The following SH3TC2 variants were observed in gnomAD, a reference collection of about 807,000 sequenced individuals.
SH3TC2 encodes the protein SH3 domain and tetratricopeptide repeat-containing protein 2.
In SH3TC2, 87 loss-of-function variants were observed where a neutral mutation model predicts 124.5. The ratio of observed to expected loss-of-function variants is 0.70; its 90% CI spans 0.59 to 0.84. The LOEUF (loss-of-function observed/expected upper bound fraction) is 0.84, where lower values mean the gene tolerates loss of function less well. SH3TC2 is among the 40% of genes least tolerant of loss of function. SH3TC2 has a pLI of 0.00. For missense variants in SH3TC2, 1,536 were observed against 1,566.4 expected, an observed-to-expected ratio of 0.98 and a Z score of 0.33; for synonymous variants, 634 against 628.5, an observed-to-expected ratio of 1.01 and a Z score of -0.13.
In SH3TC2 at chr5:149,038,503, G is replaced by A; in HGVS notation, c.806-13C>T. The A allele has an allele frequency of 1.9e-6, 3 of 1,613,632 alleles. No individual in the cohort carries two copies. Among genetic ancestry groups the A allele is most frequent in the Non-Finnish European group, 2.5e-6 (3 of 1,179,672 alleles). ...CAGCGTCCTCTGCCTGTGGAAAATAGCACACAGATCAGCTACAGAAGACAT... is the reference window on the plus strand; with the variant it reads ...CAGCGTCCTCTGCCTGTGGAAAATAACACACAGATCAGCTACAGAAGACAT... On this transcript the variant is annotated splice_polypyrimidine_tract_variant and intron_variant, in intron 7 of 16. Transcript: ENST00000515425.
At chr5:149,020,190 C>T (rs1163577933) in intron 12 of SH3TC2, among the ~76,000 whole-genome samples, 1 of 151,014 alleles carries the variant, frequency 6.6e-6, no homozygotes, top group Non-Finnish European at 1.5e-5. Flanking sequence ...TTTAAAAGTT[C>T]TGACATATTC....
chr5:149,061,961 G>C (rs1003897426), intron 1 of SH3TC2, among the ~76,000 whole-genome samples: 1 of 152,128 alleles, frequency 6.6e-6, no homozygotes. Context: ...ACTTCAAGCA[G>C]AGGAAGCAGA....
At position 148,984,799 on chromosome 5, in the gene SH3TC2, G is replaced by A. The variant is rs1275310826; in HGVS notation, c.*19912C>T. ...CTAAGAGAACTTATACTCAGAAGGA[G>A]GCATCTGCTTCCTGCTTCACCTTGA... On this transcript the variant is annotated 3_prime_UTR_variant, in exon 17 of 17. Coordinates refer to ENST00000515425, the MANE Select transcript of SH3TC2 (RefSeq NM_024577.4). Among the ~76,000 whole-genome samples, 1 of 152,128 alleles carries A rather than the reference G, an allele frequency of 6.6e-6. No individual in the cohort carries two copies. Among genetic ancestry groups the A allele is most frequent in the African/African-American group, 2.4e-5 (1 of 41,412 alleles).
chr5:149,020,145 A>C (rs1339226828), intron 12 of SH3TC2, among the ~76,000 whole-genome samples: 2 of 76,098 alleles, frequency 2.6e-5, no homozygotes, highest in Non-Finnish European at 5.4e-5. Flanking sequence ...CACACACACT[A>C]GGAAAAGTTG....
At position 148,986,043 on chromosome 5, in the gene SH3TC2, G is replaced by A. The variant is rs1451732042; in HGVS notation, c.*18668C>T. Among the ~76,000 whole-genome samples, 3 of 152,082 alleles carry A rather than the reference G, an allele frequency of 2.0e-5. No homozygotes were observed. The highest frequency in any genetic ancestry group is 4.4e-5 in the Non-Finnish European group (3 of 68,002). ...AAATGCAGAATCTTGGTGTTTAAAAGGAAATTAGAACTCATTAGTTCAACT... is the reference window on the plus strand; with the variant it reads ...AAATGCAGAATCTTGGTGTTTAAAAAGAAATTAGAACTCATTAGTTCAACT... On this transcript the variant is annotated 3_prime_UTR_variant, in exon 17 of 17. Coordinates refer to ENST00000515425, the MANE Select transcript of SH3TC2 (RefSeq NM_024577.4).
In SH3TC2 at chr5:149,003,848, T is replaced by G; in HGVS notation, c.*863A>C. On this transcript the variant is annotated 3_prime_UTR_variant, in exon 17 of 17. Coordinates refer to ENST00000515425, the MANE Select transcript of SH3TC2 (RefSeq NM_024577.4). Reference sequence around the variant, plus strand: ...CCTGGGCAACAGAGGAGAAACTGTCTCAAAAAAAAAAAAAAAAAAAAAAGA... The same window carrying G: ...CCTGGGCAACAGAGGAGAAACTGTCGCAAAAAAAAAAAAAAAAAAAAAAGA... 7.5e-6 allele frequency: 1 copy of G among 133,586 alleles called. No individual in the cohort carries two copies. Among genetic ancestry groups the G allele is most frequent in the South Asian group, 5.8e-5 (1 of 17,272 alleles). The allele number at this position is 133,586 out of a possible 1,614,324, so 8.3% of individuals were successfully genotyped here. A position where few individuals can be genotyped will look rare whatever the true frequency, so the allele number is the denominator to read the frequency against.
intron 4 of SH3TC2, among the ~76,000 whole-genome samples, chr5:149,043,141 C>G (rs1314050753): frequency 6.6e-6 from 1 of 152,182 alleles, no homozygotes; most frequent in Non-Finnish European, 1.5e-5. Context: ...TCTAATACAG[C>G]CACGGAGGTC....
chr5:149,052,646 A>G (rs1383965247), intron 1 of SH3TC2, among the ~76,000 whole-genome samples: 1 of 152,180 alleles, frequency 6.6e-6, no homozygotes, highest in Non-Finnish European at 1.5e-5. Context: ...CATTAGGGAG[A>G]CAATTGGGGT....
chr5:148,991,912 C>G lies in SH3TC2; in HGVS notation c.*12799G>C, dbSNP rs370871430. Among the ~76,000 whole-genome samples, 3 of 152,176 alleles carry G rather than the reference C, an allele frequency of 2.0e-5. No homozygotes were observed. Among genetic ancestry groups the G allele is most frequent in the Non-Finnish European group, 2.9e-5 (2 of 68,044 alleles). On this transcript the variant is annotated 3_prime_UTR_variant, in exon 17 of 17. Transcript: ENST00000515425. ...TGGTATGCTGATGATGTCATGGTGG[C>G]TCAACTTTCCTGGTGTCTAAGGGGA...
rs1031495860 is a variant in SH3TC2 at position 148,983,328 on chromosome 5, T to C, written c.*21383A>G. On this transcript the variant is annotated 3_prime_UTR_variant, in exon 17 of 17. Transcript: ENST00000515425. ...TCTGAAGAGGGGCACCTGGGTGTCATGAATACACCTGTGGCCTAAGATATG... is the reference window on the plus strand; with the variant it reads ...TCTGAAGAGGGGCACCTGGGTGTCACGAATACACCTGTGGCCTAAGATATG... Among the ~76,000 whole-genome samples, 1 of 152,180 alleles carries C rather than the reference T, an allele frequency of 6.6e-6. No homozygotes were observed. The highest frequency in any genetic ancestry group is 1.5e-5 in the Non-Finnish European group (1 of 68,038).
In SH3TC2 at chr5:149,026,199, T is replaced by A. The variant is rs77182687; in HGVS notation, c.3053+373A>T. On this transcript the variant is annotated intron_variant, in intron 12 of 16. Transcript: ENST00000515425. ...CTGAATTATGCAGCCTCAGTCATGATCCTGTGACAGGTGGTTATAGAAACA... is the reference window on the plus strand; with the variant it reads ...CTGAATTATGCAGCCTCAGTCATGAACCTGTGACAGGTGGTTATAGAAACA... 1.7e-3 allele frequency: 471 copies of A among 274,108 alleles called. 4 individuals carry two copies. The highest frequency in any genetic ancestry group is 9.9e-3 in the African/African-American group (452 of 45,650). 17.0% of individuals were successfully genotyped at this position (274,108 alleles called of 1,614,324 possible). A position where few individuals can be genotyped will look rare whatever the true frequency, so the allele number is the denominator to read the frequency against.
Position 149,022,527 on chromosome 5 carries a change from T to C in SH3TC2, c.3053+4045A>G, listed in dbSNP as rs542501188. On this transcript the variant is annotated intron_variant, in intron 12 of 16. Coordinates refer to ENST00000515425, the MANE Select transcript of SH3TC2 (RefSeq NM_024577.4). ...ATAGAATTATGGTGTGACTCTGTAATTTTGCTCCTAGGTCTATGCAAGAGA... is the reference window on the plus strand; with the variant it reads ...ATAGAATTATGGTGTGACTCTGTAACTTTGCTCCTAGGTCTATGCAAGAGA... Among the ~76,000 whole-genome samples the C allele has an allele frequency of 3.3e-5, 5 of 152,316 alleles. No homozygotes were observed. In the South Asian group the frequency reaches 1.0e-3, roughly 32 times the overall value.
intron 3 of SH3TC2, chr5:149,045,130 A>G (rs1245119595): frequency 1.3e-5 from 2 of 156,680 alleles, no homozygotes; most frequent in African/African-American, 4.8e-5. Flanking sequence ...AATCATCCCT[A>G]GTCCCTACTC....
At chr5:149,055,630 A>G (rs1379605110) in intron 1 of SH3TC2, among the ~76,000 whole-genome samples, 1 of 152,218 alleles carries the variant, frequency 6.6e-6, no homozygotes, top group African/African-American at 2.4e-5. Context: ...TGACAGTGTC[A>G]ATTCAAGCTG....
In SH3TC2 at chr5:148,989,326, T is replaced by C. The variant is rs540944260; in HGVS notation, c.*15385A>G. Among the ~76,000 whole-genome samples the C allele has an allele frequency of 6.6e-6, 1 of 152,238 alleles. No homozygotes were observed. The highest frequency in any genetic ancestry group is 6.5e-5 in the Admixed American group (1 of 15,284). ...GGTATTTATTATCCCCATTTTACAG[T>C]TGAAAGAGCCATAGCTCAGAAAGAT... On this transcript the variant is annotated 3_prime_UTR_variant, in exon 17 of 17. Coordinates refer to ENST00000515425, the MANE Select transcript of SH3TC2 (RefSeq NM_024577.4).
chr5:149,007,053 GCCA>G lies in SH3TC2; in HGVS notation c.3500_3502del (p.Val1167del). The G allele has an allele frequency of 5.0e-6, 8 of 1,614,148 alleles. No individual in the cohort carries two copies. Among genetic ancestry groups the G allele is most frequent in the Non-Finnish European group, 5.9e-6 (7 of 1,180,006 alleles). Reference sequence around the variant, plus strand: ...GTACACTGTAGCCAGGCGGTGAAAGGCCACCAGCTCTTGCCTCTGATCTCCTAA... The same window carrying G: ...GTACACTGTAGCCAGGCGGTGAAAGGCCAGCTCTTGCCTCTGATCTCCTAA... On this transcript the variant is annotated inframe_deletion, in exon 16 of 17. Transcript: ENST00000515425.
At chr5:149,035,017 A>G (rs1435455448) in intron 8 of SH3TC2, among the ~76,000 whole-genome samples, 1 of 152,202 alleles carries the variant, frequency 6.6e-6, no homozygotes, top group Non-Finnish European at 1.5e-5. Flanking sequence ...ATCTTCACTG[A>G]AAATAGCTAC....
Position 148,994,745 on chromosome 5 carries a change from T to C in SH3TC2, c.*9966A>G, listed in dbSNP as rs983446110. Among the ~76,000 whole-genome samples, 23 of 152,074 alleles carry C rather than the reference T, an allele frequency of 1.5e-4. No homozygotes were observed. Among genetic ancestry groups the C allele is most frequent in the African/African-American group, 5.1e-4 (21 of 41,400 alleles). ...ATGGATGGATGGATGGATGAATAGA[T>C]GGATGAATAGATGGATGAATAGATG... On this transcript the variant is annotated 3_prime_UTR_variant, in exon 17 of 17. Transcript: ENST00000515425.
chr5:149,055,271 T>C (rs1157457836), intron 1 of SH3TC2, among the ~76,000 whole-genome samples: 1 of 152,170 alleles, frequency 6.6e-6, no homozygotes, highest in African/African-American at 2.4e-5. Context: ...ATCATACGTA[T>C]GTATAGTTAT....
Sources: gnomAD v4.1 joint callset for allele counts (sites outside exome capture counted in the v4.1 genomes callset) on GRCh38, gnomAD v4.1.1 for gene constraint, MANE v1.5 for transcripts, NCBI Gene and HGNC (gene_info 2026-07-23, HGNC 2026-07-21) for gene names.